TMEM94: variants seen among roughly 807,000 people sequenced by gnomAD.
TMEM94 encodes transmembrane protein 94.
TMEM94 carries 81 observed loss-of-function variants against 158.6 expected under a neutral mutation model. The ratio of observed to expected loss-of-function variants is 0.51; its 90% CI spans 0.43 to 0.61. TMEM94 has a LOEUF of 0.61. Ranked by LOEUF, TMEM94 falls within the 20% of genes least tolerant of loss-of-function variation. The probability of loss-of-function intolerance (pLI) is 0.00; values close to 1 mark genes in which losing one functional copy is unlikely to be tolerated. For missense variants in TMEM94, 1,435 were observed against 1,762.0 expected, an observed-to-expected ratio of 0.81 and a Z score of 3.32; for synonymous variants, 751 against 730.7, an observed-to-expected ratio of 1.03 and a Z score of -0.45.
At chr17:75,464,183 C>G (rs2050204369) in intron 1 of TMEM94, among the ~76,000 whole-genome samples, 1 of 152,178 alleles carries the variant, frequency 6.6e-6, no homozygotes, top group South Asian at 2.1e-4. Context: ...CCAGCTTTGT[C>G]TAGATACTTG....
Position 75,488,904 on chromosome 17 carries a change from A to T in TMEM94, c.758A>T (p.Asn253Ile). The change falls in exon 7 of 32, where the codon AAC becomes ATC. Residue 253 changes from asparagine to isoleucine, a missense_variant. Around this residue, in one of 3 missense-constraint regions of TMEM94, gnomAD observed 1,051 missense variants for 1,254.4 expected, o/e 0.84. Coordinates refer to ENST00000314256, the MANE Select transcript of TMEM94 (RefSeq NM_014738.6). ...GTCCTTGAGACCCCTGTGATTGACA[A>T]CATCAGGTAGGGGTGCTGCCCCGCC... Reference protein sequence around the residue: ...FRVLETPVIDNIRWCLDMALS... With the variant: ...FRVLETPVIDIIRWCLDMALS... 2 of 1,584,044 alleles carry T rather than the reference A, an allele frequency of 1.3e-6. No individual in the cohort carries two copies. Among genetic ancestry groups the T allele is most frequent in the Non-Finnish European group, 1.7e-6 (2 of 1,162,932 alleles).
intron 1 of TMEM94, among the ~76,000 whole-genome samples, chr17:75,458,041 C>T (rs114266357): frequency 3.3e-4 from 50 of 152,290 alleles, no homozygotes; most frequent in African/African-American, 1.1e-3. Flanking sequence ...AGTTCTCTGG[C>T]AGACTTCTTG....
intron 4 of TMEM94, 32 bp from the exon 5 acceptor site, chr17:75,486,258 C>T (rs1258386367): frequency 3.1e-6 from 5 of 1,613,390 alleles, no homozygotes; most frequent in Admixed American, 1.7e-5. Context: ...CCCTCACTCC[C>T]TGTGGGTGCG....
chr17:75,497,310 C>T (rs922031696), intron 26 of TMEM94, 112 bp downstream of exon 26: 1 of 728,290 alleles, frequency 1.4e-6, no homozygotes, highest in Non-Finnish European at 2.4e-6. Context: ...CTCACCTCCT[C>T]TGGTACAGGA....
At chr17:75,462,639 C>T (rs140706483) in intron 1 of TMEM94, among the ~76,000 whole-genome samples, 2 of 150,548 alleles carry the variant, frequency 1.3e-5, no homozygotes, top group East Asian at 2.0e-4. Flanking sequence ...GCCAGGAGTT[C>T]GAGACCAGCC....
intron 2 of TMEM94, among the ~76,000 whole-genome samples, chr17:75,475,151 A>G (rs1256829870): frequency 6.6e-6 from 1 of 152,214 alleles, no homozygotes; most frequent in African/African-American, 2.4e-5. Context: ...ATTGCAGAGC[A>G]GCAGCATCCT....
rs2051609379 is a variant in TMEM94, at chr17:75,486,370, G to A, written c.353G>A (p.Arg118Gln). ...CTTGTGCTCATCGGGCGGCAAGACC[G>A]GCTGAAGCGTCGGGAGGTAGAGCGG... ...LNLVLIGRQDRLKRREVERRL... is the reference protein window; with the variant it reads ...LNLVLIGRQDQLKRREVERRL... Residue 118 changes from arginine to glutamine, a missense_variant, in exon 5 of 32, where the codon CGG becomes CAG. Arg to Gln is a conservative substitution (Grantham distance 43). Around this residue, in one of 3 missense-constraint regions of TMEM94, gnomAD observed 1,051 missense variants for 1,254.4 expected, o/e 0.84. Transcript: ENST00000314256. 7.4e-6 allele frequency: 12 copies of A among 1,614,202 alleles called. No homozygotes were observed. The highest frequency in any genetic ancestry group is 1.6e-4 in the Middle Eastern group (1 of 6,062).
intron 5 of TMEM94, among the ~76,000 whole-genome samples, chr17:75,486,627 G>A (rs539627579): frequency 1.7e-4 from 26 of 152,300 alleles, no homozygotes; most frequent in African/African-American, 6.0e-4. Flanking sequence ...GGGTGCCCAG[G>A]CAGAGGGCTG....
At position 75,488,742 on chromosome 17, in the gene TMEM94, C is replaced by T; in HGVS notation, c.613-17C>T. The T allele has an allele frequency of 1.2e-6, 2 of 1,613,654 alleles. No individual in the cohort carries two copies. Among genetic ancestry groups the T allele is most frequent in the East Asian group, 2.2e-5 (1 of 44,868 alleles). ...ATAGGACCCTCTCGTTCCCACTCTC[C>T]CACTTGCTGCCGGCAGGATGACGAG... On this transcript the variant is annotated splice_polypyrimidine_tract_variant and intron_variant, in intron 6 of 31. Coordinates refer to ENST00000314256, the MANE Select transcript of TMEM94 (RefSeq NM_014738.6).
Position 75,483,804 on chromosome 17 carries a change from G to A in TMEM94, c.25-1624G>A, listed in dbSNP as rs552359040. Among the ~76,000 whole-genome samples, 1,180 of 152,240 alleles carry A rather than the reference G, an allele frequency of 7.8e-3. 8 individuals are homozygous for A. The highest frequency in any genetic ancestry group is 0.026 in the African/African-American group (1,090 of 41,526). On this transcript the variant is annotated intron_variant, in intron 2 of 31. Transcript: ENST00000314256. Reference sequence around the variant, plus strand: ...TTGACTCCTAGGTCCCTGTGAAGCAGCTGTAGGCCCGTTCAGCAGACGGGT... The same window carrying A: ...TTGACTCCTAGGTCCCTGTGAAGCAACTGTAGGCCCGTTCAGCAGACGGGT...
Position 75,490,238 on chromosome 17 carries a change from A to AT in TMEM94, c.960dup (p.Gly321TrpfsTer40). ...GTGTGGTCCGCTCCTTCCCAGGTGA[A>AT]TGGCGTCCTGCCCATCCTCCCCCTG... On this transcript the variant is annotated frameshift_variant, in exon 10 of 32. Coordinates refer to ENST00000314256, the MANE Select transcript of TMEM94 (RefSeq NM_014738.6). LOFTEE classifies it high-confidence loss of function. 1 of 1,613,952 alleles carries AT rather than the reference A, an allele frequency of 6.2e-7. No individual in the cohort carries two copies. Among genetic ancestry groups the AT allele is most frequent in the Non-Finnish European group, 8.5e-7 (1 of 1,179,972 alleles).
rs150597168 is a variant in TMEM94 at position 75,488,876 on chromosome 17, C to T, written c.730C>T (p.Arg244Cys). The T allele has an allele frequency of 5.3e-5, 85 of 1,609,734 alleles. No individual in the cohort carries two copies. The African/African-American group carries it at 9.6e-4, about 18-fold the overall frequency. Reference sequence around the variant, plus strand: ...GAGCCCCCAGCAGCACCGGCTTTTCCGTGTCCTTGAGACCCCTGTGATTGA... The same window carrying T: ...GAGCCCCCAGCAGCACCGGCTTTTCTGTGTCCTTGAGACCCCTGTGATTGA... ...PQSPQQHRLF[R>C]VLETPVIDNI... The change falls in exon 7 of 32, where the codon CGT becomes TGT. Residue 244 changes from arginine to cysteine, a missense_variant. Transcript: ENST00000314256.
chr17:75,475,961 C>T (rs944912294), intron 2 of TMEM94, among the ~76,000 whole-genome samples: 2 of 152,244 alleles, frequency 1.3e-5, no homozygotes, highest in African/African-American at 4.8e-5. Flanking sequence ...CTCAAATCTT[C>T]TCAGCGGCCA....
intron 2 of TMEM94, among the ~76,000 whole-genome samples, chr17:75,479,852 A>G (rs1303952840): frequency 2.6e-5 from 4 of 152,172 alleles, no homozygotes; most frequent in African/African-American, 4.8e-5. Context: ...TGGGAAGTCA[A>G]GGCTGCAGTG....
intron 1 of TMEM94, among the ~76,000 whole-genome samples, chr17:75,459,207 CTT>C (rs1231375048): frequency 1.3e-5 from 2 of 152,212 alleles, no homozygotes; most frequent in East Asian, 3.8e-4. Flanking sequence ...CACTGGTTCT[CTT>C]TGTCAAAACT....
At chr17:75,497,955 A>T in intron 27 of TMEM94, 93 bp downstream of exon 27, 1 of 1,275,264 alleles carries the variant, frequency 7.8e-7, no homozygotes. Context: ...AAGGCTCTGG[A>T]TGGGGGATTC....
chr17:75,499,166 T>G, intron 31 of TMEM94, 84 bp downstream of exon 31: 2 of 1,589,818 alleles, frequency 1.3e-6, no homozygotes, highest in Non-Finnish European at 1.7e-6. Flanking sequence ...CCCCCACCTT[T>G]CCGCTGCCCA....
Position 75,495,021 on chromosome 17 carries a change from TGAC to T in TMEM94, c.2716_2718del (p.Asp906del). Reference sequence around the variant, plus strand: ...CCAGCCACGCAGGCTCCCTGCATGATGACCTGAATCAGGGTAAGGGCAAAGGCG... The same window carrying T: ...CCAGCCACGCAGGCTCCCTGCATGATCTGAATCAGGGTAAGGGCAAAGGCG... On this transcript the variant is annotated inframe_deletion, in exon 20 of 32. Transcript: ENST00000314256. The surrounding 1 kb of genome is among the most constrained non-coding windows in gnomAD (Gnocchi z 5.6). 6.2e-7 allele frequency: 1 copy of T among 1,611,750 alleles called. No homozygotes were observed. The highest frequency in any genetic ancestry group is 8.5e-7 in the Non-Finnish European group (1 of 1,179,428).
intron 6 of TMEM94, 53 bp downstream of exon 6, chr17:75,488,187 C>T (rs904575295): frequency 1.9e-6 from 3 of 1,564,994 alleles, no homozygotes; most frequent in Non-Finnish European, 2.6e-6. Flanking sequence ...CATCCACAGG[C>T]AACGATGGGA....
Sources: allele counts gnomAD v4.1 joint callset (sites outside exome capture counted in the v4.1 genomes callset), GRCh38; gene constraint gnomAD v4.1.1; regional missense constraint gnomAD v4.1.1; non-coding constraint Gnocchi (gnomAD v3.1); transcripts MANE v1.5; gene names NCBI Gene and HGNC (gene_info 2026-07-23, HGNC 2026-07-21).